Variants in FBXO38 observed in about 807,000 individuals in gnomAD.
The protein encoded by FBXO38 is F-box only protein 38.
FBXO38 carries 53 observed loss-of-function variants against 131.9 expected under a neutral mutation model. The ratio of observed to expected loss-of-function variants is 0.40; its 90% CI spans 0.32 to 0.51. The LOEUF is 0.51. FBXO38 is among the 20% of genes least tolerant of loss of function. FBXO38 has a pLI of 0.53. For missense variants in FBXO38, 1,076 were observed against 1,475.6 expected (o/e 0.73, Z 4.44); for synonymous variants, 452 against 505.6 (o/e 0.89, Z 1.42).
intron 5 of FBXO38, among the ~76,000 whole-genome samples, chr5:148,402,850 C>T (rs1289044445): frequency 1.3e-5 from 2 of 152,120 alleles, no homozygotes; most frequent in East Asian, 1.9e-4. Context: ...GTTAATATAG[C>T]TGGCCTTTAA....
intron 15 of FBXO38, among the ~76,000 whole-genome samples, chr5:148,432,760 G>A (rs1172460434): frequency 2.0e-5 from 3 of 152,218 alleles, no homozygotes; most frequent in Non-Finnish European, 4.4e-5. Flanking sequence ...GATGAATTAA[G>A]AGAGTGTTGT....
intron 9 of FBXO38, chr5:148,413,742 A>G (rs1024695474): frequency 6.4e-6 from 1 of 156,150 alleles, no homozygotes; most frequent in Non-Finnish European, 1.4e-5. Flanking sequence ...ACTGGGCTCC[A>G]AGAACATCAT....
chr5:148,423,262 G>A (rs1753542713), intron 12 of FBXO38, among the ~76,000 whole-genome samples: 1 of 152,126 alleles, frequency 6.6e-6, no homozygotes, highest in African/African-American at 2.4e-5. Context: ...TAGTGCAGTA[G>A]GCTCTAGAAA....
chr5:148,395,067 G>A (rs1277726225), intron 2 of FBXO38, among the ~76,000 whole-genome samples, 163 bp downstream of exon 2: 1 of 152,166 alleles, frequency 6.6e-6, no homozygotes, highest in Non-Finnish European at 1.5e-5. Flanking sequence ...CATTTCAAGT[G>A]CTTAGTAGCC....
In FBXO38 at chr5:148,417,125, C is replaced by T. The variant is rs781423461; in HGVS notation, c.1539C>T (p.His513=). 1.9e-6 allele frequency: 3 copies of T among 1,613,718 alleles called. No individual in the cohort carries two copies. The highest frequency in any genetic ancestry group is 2.2e-5 in the South Asian group (2 of 91,074). Residue 513 remains histidine (H), a synonymous_variant, in exon 12 of 22, where the codon CAC becomes CAT. Coordinates refer to ENST00000340253, the MANE Select transcript of FBXO38 (RefSeq NM_205836.3). Reference sequence around the variant, plus strand: ...ATGCCAACATCCACGACAACAATCACCATCATCCAGATGACTCAGACGAGG... The same window carrying T: ...ATGCCAACATCCACGACAACAATCATCATCATCCAGATGACTCAGACGAGG... ...NNNANIHDNN[H]HHPDDSDEEN... is the part of the protein sequence containing the mutation.
intron 14 of FBXO38, among the ~76,000 whole-genome samples, chr5:148,426,167 C>T (rs549816162): frequency 1.6e-4 from 24 of 152,228 alleles, no homozygotes; most frequent in African/African-American, 5.8e-4. Flanking sequence ...AGGCAACAAC[C>T]CTCTGCAGTG....
At chr5:148,390,955 G>A (rs1239737933) in intron 1 of FBXO38, among the ~76,000 whole-genome samples, 1 of 152,140 alleles carries the variant, frequency 6.6e-6, no homozygotes, top group Non-Finnish European at 1.5e-5. Flanking sequence ...GCATCATCTC[G>A]ATGAAGGATT....
intron 12 of FBXO38, among the ~76,000 whole-genome samples, chr5:148,419,986 A>ATCAAACTT (rs149384899): frequency 0.027 from 4,170 of 152,188 alleles, 196 homozygotes; most frequent in African/African-American, 0.093. Flanking sequence ...ATTTGGCAGG[A>ATCAAACTT]TATTATCTTA....
intron 12 of FBXO38, among the ~76,000 whole-genome samples, chr5:148,419,624 CTG>C (rs1050512605): frequency 3.6e-4 from 55 of 152,140 alleles, no homozygotes; most frequent in African/African-American, 1.3e-3. Context: ...ATGCACATGC[CTG>C]TAACCTCAGG....
At position 148,402,127 on chromosome 5, in the gene FBXO38, G is replaced by A; in HGVS notation, c.408G>A (p.Gln136=). The change falls in exon 4 of 22, where the codon CAG becomes CAA. Residue 136 remains glutamine, a synonymous_variant. Coordinates refer to ENST00000340253, the MANE Select transcript of FBXO38 (RefSeq NM_205836.3). ...FSIPGVLEAL[Q]ACPNLVGVET... ...TTCCAGGAGTCCTAGAAGCTTTGCAGGCATGCCCAAACTTAGTGGTGAGTG... is the reference window on the plus strand; with the variant it reads ...TTCCAGGAGTCCTAGAAGCTTTGCAAGCATGCCCAAACTTAGTGGTGAGTG... 6.2e-7 allele frequency: 1 copy of A among 1,612,330 alleles called. No individual in the cohort carries two copies. The highest frequency in any genetic ancestry group is 8.5e-7 in the Non-Finnish European group (1 of 1,178,778).
At position 148,442,501 on chromosome 5, in the gene FBXO38, C is replaced by T. The variant is rs2113674326; in HGVS notation, c.*354C>T. On this transcript the variant is annotated 3_prime_UTR_variant, in exon 22 of 22. Transcript: ENST00000340253. ...TCATTCTTAATGATTATTGTCATCC[C>T]TTTAAATCTGTGCCTTTTTCTTCTT... The T allele has an allele frequency of 6.1e-6, 1 of 162,648 alleles. No individual in the cohort carries two copies. The highest frequency in any genetic ancestry group is 1.9e-4 in the South Asian group (1 of 5,402). The allele number at this position is 162,648 out of a possible 1,614,324, so 10.1% of individuals were successfully genotyped here.
chr5:148,428,101 A>G (rs918438472), intron 15 of FBXO38, among the ~76,000 whole-genome samples, 154 bp downstream of exon 15: 7 of 152,206 alleles, frequency 4.6e-5, no homozygotes, highest in African/African-American at 1.2e-4. Context: ...AATTTCAGCA[A>G]TGGTTTGGAG....
intron 12 of FBXO38, among the ~76,000 whole-genome samples, chr5:148,421,722 A>G (rs1293003884): frequency 6.6e-6 from 1 of 152,198 alleles, no homozygotes; most frequent in African/African-American, 2.4e-5. Flanking sequence ...CCAACAAAGG[A>G]AAAAAGTCAA....
At position 148,423,137 on chromosome 5, in the gene FBXO38, T is replaced by C. The variant is rs553138934; in HGVS notation, c.1619-861T>C. Among the ~76,000 whole-genome samples, 1,000 of 152,312 alleles carry C rather than the reference T, an allele frequency of 6.6e-3. 7 individuals are homozygous for C. Among genetic ancestry groups the C allele is most frequent in the Non-Finnish European group, 0.01 (686 of 68,030 alleles). On this transcript the variant is annotated intron_variant, in intron 12 of 21. Coordinates refer to ENST00000340253, the MANE Select transcript of FBXO38 (RefSeq NM_205836.3). ...TTCCCTTTGAACTTTTGAACTGTTA[T>C]AGCTCTTAGCAAGTATATTCTGACC...
At chr5:148,394,568 A>G (rs1432507317) in intron 1 of FBXO38, 146 bp from the exon 2 acceptor site, 2 of 295,586 alleles carry the variant, frequency 6.8e-6, no homozygotes, top group African/African-American at 4.3e-5. Context: ...TTTTGCACAG[A>G]ACAAATTAAT....
intron 5 of FBXO38, 55 bp from the exon 6 acceptor site, chr5:148,404,630 T>C (rs1752337192): frequency 5.5e-6 from 8 of 1,455,808 alleles, no homozygotes; most frequent in Non-Finnish European, 7.3e-6. Context: ...AAGCAAAATA[T>C]AGTATATTTT....
At chr5:148,427,188 G>A (rs756184052) in intron 14 of FBXO38, 25 bp from the exon 15 acceptor site, 10 of 1,549,738 alleles carry the variant, frequency 6.5e-6, no homozygotes, top group Non-Finnish European at 8.7e-6. Flanking sequence ...TTTTCCTCGG[G>A]CCGTTCTTCT....
chr5:148,404,533 C>A, intron 5 of FBXO38, 152 bp from the exon 6 acceptor site: 1 of 692,938 alleles, frequency 1.4e-6, no homozygotes, highest in Non-Finnish European at 2.1e-6. Flanking sequence ...TTAAATAAGG[C>A]AAACTTGATA....
At chr5:148,439,410 A>G (rs1382207084) in intron 18 of FBXO38, among the ~76,000 whole-genome samples, 6 of 152,250 alleles carry the variant, frequency 3.9e-5, no homozygotes, top group Non-Finnish European at 8.8e-5. Context: ...TCTCTGGTTT[A>G]GTAGGCATTT....
Sources: gnomAD v4.1 joint callset for allele counts (sites outside exome capture counted in the v4.1 genomes callset) on GRCh38, gnomAD v4.1.1 for gene constraint, MANE v1.5 for transcripts, NCBI Gene and HGNC (gene_info 2026-07-23, HGNC 2026-07-21) for gene names.